The following TBC1D22A variants were observed in gnomAD, a reference collection of about 807,000 sequenced individuals.
TBC1D22A encodes TBC1 domain family member 22A.
In TBC1D22A, 38 loss-of-function variants were observed where a neutral mutation model predicts 60.2. The ratio of observed to expected loss-of-function variants is 0.63; its 90% CI spans 0.49 to 0.83. The LOEUF (loss-of-function observed/expected upper bound fraction) is 0.83, where lower values mean the gene tolerates loss of function less well. TBC1D22A is among the 40% of genes least tolerant of loss of function. The pLI is 0.00. For synonymous variants in TBC1D22A, 302 were observed against 281.7 expected (o/e 1.07, Z -0.72); for missense variants, 628 against 701.0 (o/e 0.90, Z 1.18).
At chr22:46,940,212 C>T (rs2071902474) in intron 8 of TBC1D22A, among the ~76,000 whole-genome samples, 1 of 152,192 alleles carries the variant, frequency 6.6e-6, no homozygotes, top group Non-Finnish European at 1.5e-5. Flanking sequence ...AAAGCATGTA[C>T]ATGCTGTTGG....
intron 4 of TBC1D22A, among the ~76,000 whole-genome samples, chr22:46,877,609 T>C (rs1026266488): frequency 6.6e-6 from 1 of 152,232 alleles, no homozygotes; most frequent in African/African-American, 2.4e-5. Context: ...TCTGTACTTA[T>C]TTTACTTAGA....
At chr22:46,965,911 C>T (rs1297076010) in intron 8 of TBC1D22A, among the ~76,000 whole-genome samples, 1 of 152,188 alleles carries the variant, frequency 6.6e-6, no homozygotes, top group Non-Finnish European at 1.5e-5. Flanking sequence ...CTGTGCCCAC[C>T]TCGTTTCCAC....
chr22:46,958,385 C>T (rs1320798680), intron 8 of TBC1D22A, among the ~76,000 whole-genome samples: 3 of 152,166 alleles, frequency 2.0e-5, no homozygotes, highest in Admixed American at 6.5e-5. Context: ...AGCCTGTATC[C>T]TCTCTGCACC....
chr22:47,004,327 CT>C (rs1602944650), intron 10 of TBC1D22A, among the ~76,000 whole-genome samples: 1 of 150,516 alleles, frequency 6.6e-6, no homozygotes, highest in African/African-American at 2.5e-5. Context: ...ACACACACCC[CT>C]ATATACATGC....
intron 4 of TBC1D22A, among the ~76,000 whole-genome samples, chr22:46,823,717 C>G (rs747765406): frequency 6.6e-6 from 1 of 152,238 alleles, no homozygotes; most frequent in Non-Finnish European, 1.5e-5. Context: ...TTCTCATGGT[C>G]ACTGCTGGGT....
chr22:47,055,693 C>T (rs553339715), intron 11 of TBC1D22A, among the ~76,000 whole-genome samples: 4 of 152,042 alleles, frequency 2.6e-5, no homozygotes, highest in African/African-American at 4.8e-5. Context: ...AGTGGGCAGG[C>T]GCACCTAGGA....
chr22:46,896,759 A>G (rs1475045223), intron 7 of TBC1D22A, among the ~76,000 whole-genome samples: 1 of 152,144 alleles, frequency 6.6e-6, no homozygotes, highest in African/African-American at 2.4e-5. Context: ...GTGGGGGTGC[A>G]CACCGCCCAC....
intron 10 of TBC1D22A, among the ~76,000 whole-genome samples, chr22:47,013,531 A>G (rs2061817955): frequency 6.6e-6 from 1 of 152,196 alleles, no homozygotes. Flanking sequence ...TCATGGTTAC[A>G]AGTAGCTAGA....
intron 12 of TBC1D22A, among the ~76,000 whole-genome samples, chr22:47,165,289 G>A (rs1019251173): frequency 2.6e-5 from 4 of 152,142 alleles, no homozygotes; most frequent in Admixed American, 2.0e-4. Context: ...TGGCACCTGC[G>A]AAGGGCTCCT....
At chr22:46,896,989 C>T (rs1176867641) in intron 7 of TBC1D22A, among the ~76,000 whole-genome samples, 4 of 152,084 alleles carry the variant, frequency 2.6e-5, no homozygotes, top group African/African-American at 9.7e-5. Context: ...ATTAAATATT[C>T]ATTTTTGTGA....
At chr22:46,956,607 C>T (rs190596721) in intron 8 of TBC1D22A, among the ~76,000 whole-genome samples, 1 of 152,158 alleles carries the variant, frequency 6.6e-6, no homozygotes, top group Non-Finnish European at 1.5e-5. Flanking sequence ...AGGCGTTGTG[C>T]TGGGATGTGT....
chr22:46,968,064 T>C (rs2073893904), intron 8 of TBC1D22A, among the ~76,000 whole-genome samples: 2 of 152,290 alleles, frequency 1.3e-5, no homozygotes, highest in East Asian at 1.9e-4. Context: ...AGAGCTTGGG[T>C]GGCCTTGTGG....
intron 4 of TBC1D22A, among the ~76,000 whole-genome samples, chr22:46,876,044 A>T (rs1040180686): frequency 6.6e-6 from 1 of 152,164 alleles, no homozygotes; most frequent in Non-Finnish European, 1.5e-5. Context: ...AGGTCTTGCG[A>T]TGGGCCCTGA....
chr22:46,983,907 G>A (rs566911609), intron 9 of TBC1D22A, among the ~76,000 whole-genome samples: 3 of 151,968 alleles, frequency 2.0e-5, no homozygotes, highest in Non-Finnish European at 2.9e-5. Context: ...GATTCCAGCT[G>A]AGGGAACACT....
At chr22:47,050,886 G>A (rs1450716042) in intron 11 of TBC1D22A, among the ~76,000 whole-genome samples, 1 of 152,036 alleles carries the variant, frequency 6.6e-6, no homozygotes, top group African/African-American at 2.4e-5. Flanking sequence ...ACCCTGGGTG[G>A]CAGCTTCTGC....
intron 10 of TBC1D22A, among the ~76,000 whole-genome samples, chr22:47,034,751 G>A (rs2062602001): frequency 6.6e-6 from 1 of 152,232 alleles, no homozygotes; most frequent in Admixed American, 6.5e-5. Context: ...CAGGCCCAGT[G>A]CAAAGATGAA....
At chr22:46,896,358 C>T (rs12160779) in intron 7 of TBC1D22A, among the ~76,000 whole-genome samples, 15,471 of 152,056 alleles carry the variant, frequency 0.1, 1,230 homozygotes, top group African/African-American at 0.22. Context: ...AAGTTGTTAG[C>T]TCTAGTGTGG....
intron 11 of TBC1D22A, among the ~76,000 whole-genome samples, chr22:47,038,436 G>A (rs2062729126): frequency 6.6e-6 from 1 of 152,222 alleles, no homozygotes; most frequent in Admixed American, 6.5e-5. Flanking sequence ...TGCCCATGGA[G>A]GTGGGGAAGG....
intron 1 of TBC1D22A, among the ~76,000 whole-genome samples, chr22:46,790,707 A>G (rs2084368752): frequency 6.6e-6 from 1 of 152,110 alleles, no homozygotes; most frequent in Non-Finnish European, 1.5e-5. Context: ...CGACACGGAG[A>G]CCACTGTTCT....
Sources: allele counts gnomAD v4.1 joint callset (sites outside exome capture counted in the v4.1 genomes callset), GRCh38; gene constraint gnomAD v4.1.1; transcripts MANE v1.5; gene names NCBI Gene and HGNC (gene_info 2026-07-23, HGNC 2026-07-21).